MCM8: variants seen among roughly 807,000 people sequenced by gnomAD.
MCM8 encodes the protein DNA helicase MCM8.
A neutral mutation model predicts 98.9 loss-of-function variants in MCM8; 85 were observed. The observed-to-expected ratio is 0.86, with a 90% CI of 0.72 to 1.03. The LOEUF is 1.03. Ranked by LOEUF, MCM8 falls within the 50% of genes least tolerant of loss-of-function variation. The probability of loss-of-function intolerance (pLI) is 0.00; values close to 1 mark genes in which losing one functional copy is unlikely to be tolerated. For missense variants in MCM8, 951 were observed against 997.8 expected (o/e 0.95, Z 0.63); for synonymous variants, 352 against 338.6 (o/e 1.04, Z -0.44).
Position 5,986,001 on chromosome 20 carries a change from A to C in MCM8, c.2033A>C (p.Tyr678Ser). 6.2e-7 allele frequency: 1 copy of C among 1,614,218 alleles called. No individual in the cohort carries two copies. Among genetic ancestry groups the C allele is most frequent in the Non-Finnish European group, 8.5e-7 (1 of 1,180,044 alleles). ...ATTGGCTATGCTCGGCAGTATGTGT[A>C]CCCAAGGCTATCCACAGAAGCTGCT... The part of the protein sequence containing the change: ...KYIGYARQYV[Y>S]PRLSTEAARV... Residue 678 changes from tyrosine (Y) to serine (S), a missense_variant, in exon 16 of 19, where the codon TAC becomes TCC. Transcript: ENST00000610722.
Position 5,993,542 on chromosome 20 carries a change from A to G in MCM8, c.2277A>G (p.Leu759=), listed in dbSNP as rs764623458. 11 of 1,582,870 alleles carry G rather than the reference A, an allele frequency of 6.9e-6. No homozygotes were observed. Among genetic ancestry groups the G allele is most frequent in the Non-Finnish European group, 9.5e-6 (11 of 1,160,808 alleles). Residue 759 remains leucine, a synonymous_variant, in exon 18 of 19, where the codon CTA becomes CTG. Transcript: ENST00000610722. ...LGTYSDEFGN[L]DFERSQHGSG... is the part of the protein sequence containing the mutation. ...CTTACTCTGATGAATTTGGGAACCT[A>G]GATTTTGAGCGATCCCAGCATGGTT...
At chr20:5,969,357 C>T (rs562399030) in intron 10 of MCM8, among the ~76,000 whole-genome samples, 2 of 152,000 alleles carry the variant, frequency 1.3e-5, no homozygotes, top group African/African-American at 2.4e-5. Flanking sequence ...TTTGGGAGGC[C>T]GAGGCGGGTG....
At position 5,977,914 on chromosome 20, in the gene MCM8, T is replaced by C. The variant is rs758957936; in HGVS notation, c.1434T>C (p.Cys478=). The change falls in exon 13 of 19, where the codon TGT becomes TGC. Residue 478 remains cysteine (C), a synonymous_variant. Coordinates refer to ENST00000610722, the MANE Select transcript of MCM8 (RefSeq NM_032485.6). ...CNVAPRGVYV[C]GNTTTTSGLT... is the part of the protein sequence containing the mutation. ...TTGCCCCACGTGGCGTGTATGTTTG[T>C]GGTAACACCACGACCACCTCTGGTC... is the stretch of plus-strand genomic sequence containing the variant. 1 of 1,614,234 alleles carries C rather than the reference T, an allele frequency of 6.2e-7. No individual in the cohort carries two copies. Among genetic ancestry groups the C allele is most frequent in the Admixed American group, 1.7e-5 (1 of 60,018 alleles).
At position 5,963,268 on chromosome 20, in the gene MCM8, A is replaced by G. The variant is rs1368974856; in HGVS notation, c.790-6A>G. The G allele has an allele frequency of 6.2e-7, 1 of 1,610,712 alleles. No homozygotes were observed. Among genetic ancestry groups the G allele is most frequent in the Admixed American group, 1.7e-5 (1 of 60,006 alleles). On this transcript the variant is annotated splice_polypyrimidine_tract_variant and splice_region_variant and intron_variant, in intron 7 of 18. Coordinates refer to ENST00000610722, the MANE Select transcript of MCM8 (RefSeq NM_032485.6). ...TCTGAATGTGAATTACTTTTGTTTC[A>G]TTCAGTGTCCTGTGCCTGTGTGTCG... is the stretch of plus-strand genomic sequence containing the variant.
At chr20:5,977,697 G>T (rs1363884290) in intron 12 of MCM8, among the ~76,000 whole-genome samples, 179 bp from the exon 13 acceptor site, 1 of 152,128 alleles carries the variant, frequency 6.6e-6, no homozygotes, top group Non-Finnish European at 1.5e-5. Context: ...TGTTGGCCTT[G>T]GTTTTGACAT....
intron 8 of MCM8, among the ~76,000 whole-genome samples, 195 bp downstream of exon 8, chr20:5,963,554 A>C (rs1385914366): frequency 9.0e-6 from 1 of 111,638 alleles, no homozygotes; most frequent in Non-Finnish European, 1.7e-5. Flanking sequence ...TTTGAGACGG[A>C]GTCTTGCTCT....
At chr20:5,958,484 A>G (rs1482894378) in intron 6 of MCM8, 44 bp from the exon 7 acceptor site, 1 of 1,515,834 alleles carries the variant, frequency 6.6e-7, no homozygotes, top group Admixed American at 1.8e-5. Context: ...TGAAAATATA[A>G]AAAACATCAA....
chr20:5,966,038 C>T (rs2089268347), intron 8 of MCM8, among the ~76,000 whole-genome samples: 1 of 152,082 alleles, frequency 6.6e-6, no homozygotes, highest in African/African-American at 2.4e-5. Flanking sequence ...TAAGCCCTTG[C>T]ATGTCTGAAA....
At chr20:5,965,438 A>G (rs1482903524) in intron 8 of MCM8, 1 of 152,174 alleles carries the variant, frequency 6.6e-6, no homozygotes, top group African/African-American at 2.4e-5. Context: ...CTTTGTCCCA[A>G]TATCAAACAC....
At chr20:5,959,741 C>T (rs1196929175) in intron 7 of MCM8, among the ~76,000 whole-genome samples, 4 of 134,640 alleles carry the variant, frequency 3.0e-5, no homozygotes, top group East Asian at 2.2e-4. Flanking sequence ...CTCTGTTGCC[C>T]GGGCTGGAGT....
At position 5,962,550 on chromosome 20, in the gene MCM8, A is replaced by T. The variant is rs2089175283; in HGVS notation, c.790-724A>T. ...CCACCGCGCCCGGCTAATTTTTTGT[A>T]TTTTTAGTAGAGACGGGGTTTCACC... On this transcript the variant is annotated intron_variant, in intron 7 of 18. Coordinates refer to ENST00000610722, the MANE Select transcript of MCM8 (RefSeq NM_032485.6). Among the ~76,000 whole-genome samples the T allele has an allele frequency of 3.9e-5, 4 of 101,304 alleles. 1 individual carries two copies. The South Asian group carries it at 1.3e-3, about 33-fold the overall frequency. 66.5% of individuals were successfully genotyped at this position (101,304 alleles called of 152,430 possible).
rs1476445499 is a variant in MCM8 at position 5,998,195 on chromosome 20, C to A, written c.*3804C>A. ...CCAAAGAGGTGGATAAATGTAGATA[C>A]AATGATACGGTGATTTGGTATTCAG... is the stretch of plus-strand genomic sequence containing the variant. On this transcript the variant is annotated 3_prime_UTR_variant, in exon 19 of 19. Coordinates refer to ENST00000610722, the MANE Select transcript of MCM8 (RefSeq NM_032485.6). 6 of 152,294 alleles carry A rather than the reference C, an allele frequency of 3.9e-5. No individual in the cohort carries two copies. Among genetic ancestry groups the A allele is most frequent in the South Asian group, 4.1e-4 (2 of 4,830 alleles). The allele number at this position is 152,294 out of a possible 1,614,324, so 9.4% of individuals were successfully genotyped here.
At chr20:5,987,729 C>CT (rs1020073221) in intron 17 of MCM8, among the ~76,000 whole-genome samples, 4 of 152,104 alleles carry the variant, frequency 2.6e-5, no homozygotes, top group Admixed American at 6.5e-5. Context: ...ATTAGAGACT[C>CT]TTTTTTTATA....
intron 10 of MCM8, 81 bp from the exon 11 acceptor site, chr20:5,971,926 G>A (rs923746891): frequency 1.6e-6 from 2 of 1,239,750 alleles, no homozygotes; most frequent in Non-Finnish European, 1.2e-6. Flanking sequence ...TATTAAGCAG[G>A]TTAAACAAAT....
chr20:5,968,794 A>G (rs2089336890), intron 10 of MCM8, among the ~76,000 whole-genome samples: 1 of 152,248 alleles, frequency 6.6e-6, no homozygotes, highest in African/African-American at 2.4e-5. Context: ...TCAACGGAAG[A>G]GTGAGGGAAC....
chr20:5,958,592 A>G lies in MCM8; in HGVS notation c.655A>G (p.Ile219Val), dbSNP rs1234868479. ...CAGAGCAAATTACTATGGAAAATAC[A>G]TTGCTCTAAGAGGGACAGTGGTTCG... Reference protein sequence around the residue: ...NVRANYYGKYIALRGTVVRVS... With the variant: ...NVRANYYGKYVALRGTVVRVS... The change falls in exon 7 of 19, where the codon ATT becomes GTT. Residue 219 changes from isoleucine (I) to valine (V), a missense_variant. Physicochemically the swap from Ile to Val is conservative, Grantham distance 29. Transcript: ENST00000610722. 2 of 1,614,126 alleles carry G rather than the reference A, an allele frequency of 1.2e-6. No homozygotes were observed. Among genetic ancestry groups the G allele is most frequent in the South Asian group, 1.1e-5 (1 of 91,084 alleles).
chr20:5,961,602 T>C (rs534078226), intron 7 of MCM8, among the ~76,000 whole-genome samples: 2 of 152,312 alleles, frequency 1.3e-5, no homozygotes, highest in Admixed American at 6.5e-5. Flanking sequence ...ACCTTTAGCT[T>C]AGAGGCCAGA....
chr20:5,961,977 A>T (rs1174836206), intron 7 of MCM8, among the ~76,000 whole-genome samples: 1 of 152,164 alleles, frequency 6.6e-6, no homozygotes, highest in African/African-American at 2.4e-5. Flanking sequence ...ATTAGTTCTC[A>T]TGATATCTGT....
chr20:5,967,324 T>G, intron 8 of MCM8, 112 bp from the exon 9 acceptor site: 1 of 857,700 alleles, frequency 1.2e-6, no homozygotes, highest in South Asian at 2.3e-5. Flanking sequence ...AAACTGTTAA[T>G]AAGCAAATCT....
Sources: gnomAD v4.1 joint callset for allele counts (sites outside exome capture counted in the v4.1 genomes callset) on GRCh38, gnomAD v4.1.1 for gene constraint, MANE v1.5 for transcripts, NCBI Gene and HGNC (gene_info 2026-07-23, HGNC 2026-07-21) for gene names.